The following MTA3 variants were observed in gnomAD, a reference collection of about 807,000 sequenced individuals.
MTA3 encodes the protein metastasis associated 1 family member 3, also known as metastasis-associated protein MTA3.
A neutral mutation model predicts 83.5 loss-of-function variants in MTA3; 34 were observed. The observed-to-expected ratio is 0.41, with a 90% CI of 0.31 to 0.54. The LOEUF (loss-of-function observed/expected upper bound fraction) is 0.54. MTA3 is among the 20% of genes least tolerant of loss of function. The pLI, the probability that MTA3 is intolerant of heterozygous loss-of-function variation, is 0.33. For synonymous variants in MTA3, 303 were observed against 252.7 expected (o/e 1.20, Z -1.89); for missense variants, 761 against 726.4 (o/e 1.05, Z -0.55).
chr2:42,590,169 G>A lies in MTA3; in HGVS notation c.190+10969G>A, dbSNP rs111900950. Reference sequence around the variant, plus strand: ...GGGTACACTATAGCCCTTTTCCTGCGTGCTGTGGTTTGGATGTTGTGCCCT... The same window carrying A: ...GGGTACACTATAGCCCTTTTCCTGCATGCTGTGGTTTGGATGTTGTGCCCT... On this transcript the variant is annotated intron_variant, in intron 3 of 16. Transcript: ENST00000405094. Among the ~76,000 whole-genome samples, 748 of 152,154 alleles carry A rather than the reference G, an allele frequency of 4.9e-3. 11 individuals are homozygous for A. Among genetic ancestry groups the A allele is most frequent in the African/African-American group, 0.017 (699 of 41,492 alleles).
At chr2:42,512,677 A>G (rs1674958918) in intron 2 of MTA3, among the ~76,000 whole-genome samples, 1 of 152,196 alleles carries the variant, frequency 6.6e-6, no homozygotes, top group East Asian at 1.9e-4. Flanking sequence ...TGCCAAGAAG[A>G]CATTTTCTCC....
At chr2:42,640,064 T>A (rs1478952762) in intron 4 of MTA3, 109 bp from the exon 5 acceptor site, 1 of 722,824 alleles carries the variant, frequency 1.4e-6, no homozygotes, top group African/African-American at 1.8e-5. Context: ...TATTCCTAAC[T>A]GCCATGTAGT....
intron 6 of MTA3, among the ~76,000 whole-genome samples, chr2:42,646,885 G>A (rs564264869): frequency 2.0e-5 from 3 of 152,204 alleles, no homozygotes; most frequent in Non-Finnish European, 2.9e-5. Flanking sequence ...GGCTGAGCAC[G>A]GTGGCACACG....
chr2:42,625,512 C>G (rs898407760), intron 4 of MTA3, among the ~76,000 whole-genome samples: 2 of 150,070 alleles, frequency 1.3e-5, no homozygotes, highest in Admixed American at 1.3e-4. Context: ...TTTGGGAGGC[C>G]GAGGTGGGCG....
At chr2:42,504,440 C>T (rs560452051) in intron 2 of MTA3, among the ~76,000 whole-genome samples, 44 of 151,732 alleles carry the variant, frequency 2.9e-4, no homozygotes, top group African/African-American at 1.0e-3. Flanking sequence ...GGCGTTTCGC[C>T]ATGTTGACCA....
rs1297527112 is a variant in MTA3 at position 42,532,799 on chromosome 2, G to A, written c.-141+37545G>A. Reference sequence around the variant, plus strand: ...CATAGGGAATGGGTTCCAGCAGCTCGGGCTCCTTCCCATTGGTTCTCTCAC... The same window carrying A: ...CATAGGGAATGGGTTCCAGCAGCTCAGGCTCCTTCCCATTGGTTCTCTCAC... On this transcript the variant is annotated intron_variant, in intron 2 of 17. Transcript: ENST00000405592. 3.3e-5 allele frequency: 12 copies of A among 366,696 alleles called. 1 individual carries two copies. Among genetic ancestry groups the A allele is most frequent in the East Asian group, 1.5e-4 (2 of 13,352 alleles). The allele number at this position is 366,696 out of a possible 1,614,324, so 22.7% of individuals were successfully genotyped here.
chr2:42,752,398 C>G lies in MTA3; in HGVS notation c.1760-976C>G, dbSNP rs562168399. The G allele has an allele frequency of 2.2e-4, 85 of 388,806 alleles. 2 individuals are homozygous for G. Among genetic ancestry groups the G allele is most frequent in the South Asian group, 1.5e-3 (79 of 53,868 alleles). The allele number at this position is 388,806 out of a possible 1,614,324, so 24.1% of individuals were successfully genotyped here. On this transcript the variant is annotated intron_variant, in intron 16 of 16. Coordinates refer to ENST00000405094, the MANE Select transcript of MTA3 (RefSeq NM_001330442.2). ...TCTTATCCCTTCTCAGCAAACAACC[C>G]CACTTCCCTCCTAGCCACTTTCCTA...
At position 42,756,524 on chromosome 2, in the gene MTA3, G is replaced by A. The variant is rs1018247603; in HGVS notation, c.*3125G>A. 3.0e-6 allele frequency: 3 copies of A among 985,740 alleles called. No homozygotes were observed. Among genetic ancestry groups the A allele is most frequent in the Non-Finnish European group, 3.6e-6 (3 of 830,180 alleles). The allele number at this position is 985,740 out of a possible 1,614,324, so 61.1% of individuals were successfully genotyped here. Reference sequence around the variant, plus strand: ...TGTCATGTCTGAGCCTGGTGTTTATGCCCCACTGCTGTCCTAAGTCCCTGG... The same window carrying A: ...TGTCATGTCTGAGCCTGGTGTTTATACCCCACTGCTGTCCTAAGTCCCTGG... On this transcript the variant is annotated 3_prime_UTR_variant, in exon 17 of 17. Transcript: ENST00000405094.
chr2:42,584,543 G>A (rs2103897528), intron 3 of MTA3, among the ~76,000 whole-genome samples: 2 of 150,684 alleles, frequency 1.3e-5, no homozygotes, highest in Middle Eastern at 6.9e-3. Flanking sequence ...AGACTTCAGT[G>A]TATTTTTTTT....
intron 3 of MTA3, among the ~76,000 whole-genome samples, chr2:42,606,930 G>T (rs1573228656): frequency 6.7e-6 from 1 of 149,354 alleles, no homozygotes; most frequent in South Asian, 2.2e-4. Context: ...CCAGTCAGGC[G>T]TGGCGGCGCG....
chr2:42,683,194 G>T (rs144120673), intron 9 of MTA3, among the ~76,000 whole-genome samples: 2 of 152,310 alleles, frequency 1.3e-5, no homozygotes, highest in African/African-American at 2.4e-5. Context: ...AATCTGGTCA[G>T]CTTTTCTCAC....
intron 2 of MTA3, among the ~76,000 whole-genome samples, chr2:42,545,357 G>C (rs1370386472): frequency 2.0e-5 from 3 of 151,994 alleles, no homozygotes; most frequent in African/African-American, 4.8e-5. Context: ...CAGCCTGAGC[G>C]ACAGAGAGAA....
intron 2 of MTA3, among the ~76,000 whole-genome samples, chr2:42,528,417 G>A (rs186728413): frequency 3.2e-4 from 48 of 150,874 alleles, no homozygotes; most frequent in African/African-American, 1.1e-3. Flanking sequence ...ATGGAGTTTC[G>A]TCATGTTGGC....
At chr2:42,603,863 G>T (rs369279589) in intron 3 of MTA3, among the ~76,000 whole-genome samples, 2 of 152,058 alleles carry the variant, frequency 1.3e-5, no homozygotes, top group Admixed American at 6.6e-5. Flanking sequence ...CCATTCTCCT[G>T]CCTCAGCCTC....
intron 4 of MTA3, among the ~76,000 whole-genome samples, chr2:42,615,540 G>C (rs1684760131): frequency 6.6e-6 from 1 of 151,372 alleles, no homozygotes; most frequent in Admixed American, 6.6e-5. Context: ...ATTTTTAGTA[G>C]AGACAGGGTT....
chr2:42,658,869 GT>G (rs895128468), intron 7 of MTA3, among the ~76,000 whole-genome samples: 1 of 150,472 alleles, frequency 6.6e-6, no homozygotes, highest in Admixed American at 6.7e-5. Flanking sequence ...GAGCCCAGGA[GT>G]TTCAGACCAG....
chr2:42,578,350 A>AT (rs898459059), intron 2 of MTA3, among the ~76,000 whole-genome samples: 28 of 151,930 alleles, frequency 1.8e-4, no homozygotes, highest in Non-Finnish European at 3.8e-4. Context: ...GCATAACTGA[A>AT]TTTTTTTTTG....
At chr2:42,573,982 C>CTATTTATT (rs112041996) in intron 2 of MTA3, among the ~76,000 whole-genome samples, 3 of 150,808 alleles carry the variant, frequency 2.0e-5, no homozygotes, top group South Asian at 4.2e-4. Context: ...CTACGCCTGG[C>CTATTTATT]TATTTATTTA....
chr2:42,615,493 C>CTACAG (rs1235191285), intron 4 of MTA3, among the ~76,000 whole-genome samples: 1 of 151,522 alleles, frequency 6.6e-6, no homozygotes, highest in Non-Finnish European at 1.5e-5. Flanking sequence ...ATAGCTGGGA[C>CTACAG]TACAGGCATG....
Sources: allele counts gnomAD v4.1 joint callset (sites outside exome capture counted in the v4.1 genomes callset), GRCh38; gene constraint gnomAD v4.1.1; transcripts MANE v1.5; gene names NCBI Gene and HGNC (gene_info 2026-07-23, HGNC 2026-07-21).